The following RSPO4 variants were observed in gnomAD, a reference collection of about 807,000 sequenced individuals.
RSPO4 encodes R-spondin-4.
RSPO4 carries 23 observed loss-of-function variants against 24.8 expected under a neutral mutation model. The ratio of observed to expected loss-of-function variants is 0.93; its 90% confidence interval spans 0.67 to 1.31. The LOEUF (loss-of-function observed/expected upper bound fraction) is 1.31. RSPO4 is among the 40% of genes most tolerant of loss of function. RSPO4 has a pLI of 0.00. For missense variants in RSPO4, 333 were observed against 316.5 expected, an observed-to-expected ratio of 1.05 and a Z score of -0.39; for synonymous variants, 141 against 127.4, an observed-to-expected ratio of 1.11 and a Z score of -0.72.
At chr20:986,563 C>G (rs1041201719) in intron 1 of RSPO4, among the ~76,000 whole-genome samples, 5 of 147,886 alleles carry the variant, frequency 3.4e-5, no homozygotes, top group African/African-American at 7.5e-5. Context: ...CTGGACTAGG[C>G]TTTTTAATAG....
intron 1 of RSPO4, among the ~76,000 whole-genome samples, chr20:997,772 G>A (rs1437635154): frequency 3.3e-5 from 5 of 152,296 alleles, no homozygotes; most frequent in East Asian, 3.9e-4. Flanking sequence ...CACATAACAG[G>A]CCTCTGGAGT....
At chr20:964,773 CACACATATATATAT>C (rs1984132868) in intron 3 of RSPO4, among the ~76,000 whole-genome samples, 1 of 142,902 alleles carries the variant, frequency 7.0e-6, no homozygotes, top group African/African-American at 2.8e-5. Flanking sequence ...TACACACACA[CACACATATATATAT>C]ACACATATAT....
chr20:981,439 C>T lies in RSPO4; in HGVS notation c.80-13301G>A, dbSNP rs1320883333. Among the ~76,000 whole-genome samples, 4 of 152,160 alleles carry T rather than the reference C, an allele frequency of 2.6e-5. No homozygotes were observed. Among genetic ancestry groups the T allele is most frequent in the Non-Finnish European group, 4.4e-5 (3 of 68,030 alleles). On this transcript the variant is annotated intron_variant, in intron 1 of 4. Transcript: ENST00000217260. This position sits in a 1 kb window ranked among gnomAD's most constrained non-coding sequence, Gnocchi z 4.6. The stretch of plus-strand genomic sequence containing the variant: ...ACTCAGGTGGCTGAGGCATGAGAAA[C>T]GCTTGAATCCAGGATGCGGAGGTTG...
chr20:993,220 C>G (rs552095005), intron 1 of RSPO4, among the ~76,000 whole-genome samples: 4 of 152,346 alleles, frequency 2.6e-5, no homozygotes, highest in South Asian at 2.1e-4. Context: ...CACATCAGAG[C>G]CCCCACTATG....
At position 967,330 on chromosome 20, in the gene RSPO4, G is replaced by A. The variant is rs1034503770; in HGVS notation, c.269-16C>T. The A allele has an allele frequency of 1.9e-6, 3 of 1,613,732 alleles. No individual in the cohort carries two copies. The highest frequency in any genetic ancestry group is 2.5e-6 in the Non-Finnish European group (3 of 1,179,994). On this transcript the variant is annotated splice_polypyrimidine_tract_variant and intron_variant, in intron 2 of 4. Transcript: ENST00000217260. ...GCCCCACATTCTGTAATAGAGCCAG[G>A]GACACCCCAGGTGAGGGAGACTGCC...
At chr20:961,520 G>C (rs1983997585) in intron 4 of RSPO4, among the ~76,000 whole-genome samples, 1 of 152,162 alleles carries the variant, frequency 6.6e-6, no homozygotes, top group African/African-American at 2.4e-5. Flanking sequence ...CAGAGTCAAG[G>C]AGCTAAGACC....
intron 3 of RSPO4, among the ~76,000 whole-genome samples, chr20:965,119 A>G (rs1984152935): frequency 6.6e-6 from 1 of 152,144 alleles, no homozygotes; most frequent in Admixed American, 6.5e-5. Flanking sequence ...AAGACAGCCC[A>G]GGGTCTGCAG....
At chr20:971,311 C>A (rs1984400234) in intron 1 of RSPO4, among the ~76,000 whole-genome samples, 1 of 152,244 alleles carries the variant, frequency 6.6e-6, no homozygotes, top group African/African-American at 2.4e-5. Flanking sequence ...GTATTTCTAA[C>A]AGGTTCCCAG....
chr20:996,183 C>T (rs1281328537), intron 1 of RSPO4, among the ~76,000 whole-genome samples: 1 of 152,006 alleles, frequency 6.6e-6, no homozygotes, highest in Non-Finnish European at 1.5e-5. Context: ...TGTTTGCTGA[C>T]CCCACTCTAT....
intron 1 of RSPO4, among the ~76,000 whole-genome samples, chr20:996,083 T>C (rs548525127): frequency 5.9e-5 from 9 of 152,364 alleles, no homozygotes; most frequent in African/African-American, 2.2e-4. Context: ...GTTTTTGTGT[T>C]GCCTGTGAGC....
chr20:982,083 G>C (rs1270595393), intron 1 of RSPO4, among the ~76,000 whole-genome samples: 1 of 152,298 alleles, frequency 6.6e-6, no homozygotes, highest in East Asian at 1.9e-4. Context: ...AAAGAAAAAA[G>C]GGTTGTTTTT....
intron 1 of RSPO4, among the ~76,000 whole-genome samples, chr20:994,200 G>C (rs1568932100): frequency 6.6e-6 from 1 of 152,144 alleles, no homozygotes; most frequent in East Asian, 1.9e-4. Context: ...GTAAACCTTT[G>C]ATGCCAATGA....
chr20:975,637 G>C (rs976662914), intron 1 of RSPO4, among the ~76,000 whole-genome samples: 1 of 152,198 alleles, frequency 6.6e-6, no homozygotes, highest in African/African-American at 2.4e-5. Context: ...AAGTGATAAA[G>C]GCTTATGACA....
At chr20:992,333 G>A (rs1985136752) in intron 1 of RSPO4, among the ~76,000 whole-genome samples, 1 of 142,488 alleles carries the variant, frequency 7.0e-6, no homozygotes, top group African/African-American at 2.7e-5. Context: ...CACTTTCATA[G>A]AGGAGTGAAC....
chr20:996,554 A>G (rs901282613), intron 1 of RSPO4, among the ~76,000 whole-genome samples: 3 of 152,216 alleles, frequency 2.0e-5, no homozygotes, highest in African/African-American at 4.8e-5. Context: ...CAAGAGCCCA[A>G]TAGTAAATAC....
At chr20:987,571 A>T (rs1399347171) in intron 1 of RSPO4, among the ~76,000 whole-genome samples, 1 of 152,068 alleles carries the variant, frequency 6.6e-6, no homozygotes, top group East Asian at 1.9e-4. Flanking sequence ...GGATTACTTA[A>T]GGCCAGGAAT....
chr20:988,696 A>G (rs542917662), intron 1 of RSPO4, among the ~76,000 whole-genome samples: 2 of 152,032 alleles, frequency 1.3e-5, no homozygotes, highest in Non-Finnish European at 2.9e-5. Flanking sequence ...GATTACAGGC[A>G]CCCACCACCA....
intron 1 of RSPO4, among the ~76,000 whole-genome samples, chr20:985,387 A>C (rs1354253922): frequency 6.6e-6 from 1 of 152,196 alleles, no homozygotes; most frequent in African/African-American, 2.4e-5. Context: ...AATATCATCT[A>C]TGTGCCAGGA....
At chr20:1,001,990 C>G in intron 1 of RSPO4, 96 bp downstream of exon 1, 1 of 1,032,876 alleles carries the variant, frequency 9.7e-7, no homozygotes, top group Non-Finnish European at 1.4e-6. Flanking sequence ...CGCCAGGCAC[C>G]AGGCAGATGC....
Sources: allele counts gnomAD v4.1 joint callset (sites outside exome capture counted in the v4.1 genomes callset), GRCh38; gene constraint gnomAD v4.1.1; non-coding constraint Gnocchi (gnomAD v3.1); transcripts MANE v1.5; gene names NCBI Gene and HGNC (gene_info 2026-07-23, HGNC 2026-07-21).